Variants in NRG3 observed in about 807,000 individuals in gnomAD.
The protein encoded by NRG3 is neuregulin 3, also known as pro-neuregulin-3, membrane-bound isoform.
In NRG3, 31 loss-of-function variants were observed where a neutral mutation model predicts 66.9. That is an observed-to-expected ratio of 0.46 (90% CI 0.35 to 0.63). The LOEUF is 0.63. Ranked by LOEUF, NRG3 falls within the 20% of genes least tolerant of loss-of-function variation. NRG3 has a pLI of 0.00. For synonymous variants in NRG3, 393 were observed against 359.4 expected (o/e 1.09, Z -1.06); for missense variants, 910 against 878.9 (o/e 1.04, Z -0.45).
intron 2 of NRG3, among the ~76,000 whole-genome samples, chr10:82,597,993 C>G (rs773054296): frequency 1.3e-5 from 2 of 151,514 alleles, no homozygotes; most frequent in Non-Finnish European, 2.9e-5. Flanking sequence ...ATGCATGTAC[C>G]TTGATGATAA....
intron 3 of NRG3, among the ~76,000 whole-genome samples, chr10:82,762,017 T>C (rs2059347283): frequency 6.6e-6 from 1 of 151,146 alleles, no homozygotes; most frequent in Admixed American, 6.6e-5. Flanking sequence ...TTTCTTTCTT[T>C]CTTTTCTTTC....
chr10:82,769,745 G>C (rs2059645634), intron 3 of NRG3, among the ~76,000 whole-genome samples: 1 of 151,930 alleles, frequency 6.6e-6, no homozygotes. Flanking sequence ...TCCTAAGTGT[G>C]GATTTATGTA....
chr10:82,741,495 C>T (rs1263537378), intron 3 of NRG3, among the ~76,000 whole-genome samples: 1 of 152,168 alleles, frequency 6.6e-6, no homozygotes, highest in African/African-American at 2.4e-5. Context: ...TGTCAGCCCA[C>T]TTCCCTTATT....
chr10:82,417,613 G>A (rs553089181), intron 2 of NRG3, among the ~76,000 whole-genome samples: 1 of 152,274 alleles, frequency 6.6e-6, no homozygotes, highest in South Asian at 2.1e-4. Flanking sequence ...GTATTCTAAG[G>A]TGGTTGCTAT....
chr10:81,947,911 A>T (rs1483712694), intron 1 of NRG3, among the ~76,000 whole-genome samples: 1 of 152,070 alleles, frequency 6.6e-6, no homozygotes, highest in Non-Finnish European at 1.5e-5. Flanking sequence ...TTGGATTGAT[A>T]ATATTAAGAA....
chr10:82,869,004 TG>T (rs1319862231), intron 4 of NRG3, among the ~76,000 whole-genome samples: 1 of 152,200 alleles, frequency 6.6e-6, no homozygotes, highest in Non-Finnish European at 1.5e-5. Flanking sequence ...ATTTAATTTA[TG>T]ATTATAGAAT....
intron 1 of NRG3, among the ~76,000 whole-genome samples, chr10:82,059,331 C>T (rs971778080): frequency 2.0e-5 from 3 of 151,992 alleles, no homozygotes; most frequent in African/African-American, 7.3e-5. Context: ...GTAACTATGG[C>T]CTAGTAAATG....
Position 82,974,067 on chromosome 10 carries a change from A to G in NRG3, c.1412+152A>G, listed in dbSNP as rs1395617006. On this transcript the variant is annotated intron_variant, in intron 7 of 8. Transcript: ENST00000372141. The stretch of plus-strand genomic sequence containing the variant: ...TGGAGTAAATGCTCAAACACCTCAC[A>G]TCAGGTAAAGCAAAGATACCAGTTT... The G allele has an allele frequency of 3.7e-6, 3 of 817,926 alleles. No homozygotes were observed. In the African/African-American group the frequency reaches 5.2e-5, roughly 14 times the overall value. The allele number at this position is 817,926 out of a possible 1,614,324, so 50.7% of individuals were successfully genotyped here. A position where few individuals can be genotyped will look rare whatever the true frequency, so the allele number is the denominator to read the frequency against.
chr10:82,264,236 AG>A (rs1259314618), intron 1 of NRG3, among the ~76,000 whole-genome samples: 1 of 152,224 alleles, frequency 6.6e-6, no homozygotes, highest in Non-Finnish European at 1.5e-5. Flanking sequence ...ATGGACTCAC[AG>A]TTCCACATTG....
intron 1 of NRG3, among the ~76,000 whole-genome samples, chr10:81,924,698 A>G (rs757054351): frequency 5.9e-5 from 9 of 152,294 alleles, no homozygotes; most frequent in East Asian, 5.8e-4. Context: ...TCGTTAGCCA[A>G]AGTTTTAGGC....
intron 1 of NRG3, among the ~76,000 whole-genome samples, chr10:82,029,652 T>A (rs992624055): frequency 1.3e-5 from 2 of 152,132 alleles, no homozygotes; most frequent in South Asian, 4.1e-4. Flanking sequence ...AGTTGGGAGT[T>A]AAAAACAGTT....
intron 1 of NRG3, among the ~76,000 whole-genome samples, chr10:82,143,256 G>A (rs945713812): frequency 6.6e-6 from 1 of 152,140 alleles, no homozygotes; most frequent in African/African-American, 2.4e-5. Flanking sequence ...GAGGCAGGGG[G>A]CGGAGACTAA....
chr10:82,257,568 C>T (rs113615074), intron 1 of NRG3, among the ~76,000 whole-genome samples: 1 of 151,942 alleles, frequency 6.6e-6, no homozygotes, highest in African/African-American at 2.4e-5. Flanking sequence ...TCAGGAGTTC[C>T]AGACCAGCCT....
intron 1 of NRG3, among the ~76,000 whole-genome samples, chr10:81,973,349 A>G (rs1165039882): frequency 6.6e-6 from 1 of 152,184 alleles, no homozygotes; most frequent in Non-Finnish European, 1.5e-5. Context: ...TGCTATTGTG[A>G]ATAGTGCTGA....
At chr10:82,034,438 A>AT (rs1276472104) in intron 1 of NRG3, among the ~76,000 whole-genome samples, 1 of 152,128 alleles carries the variant, frequency 6.6e-6, no homozygotes, top group Non-Finnish European at 1.5e-5. Flanking sequence ...TGAGTTTTAA[A>AT]TAAGTAGATT....
At chr10:82,495,214 C>T (rs1217078433) in intron 2 of NRG3, among the ~76,000 whole-genome samples, 5 of 152,086 alleles carry the variant, frequency 3.3e-5, no homozygotes, top group East Asian at 1.9e-4. Context: ...GGATTACAGG[C>T]GTGAGCCACT....
At chr10:82,205,305 C>T (rs892683684) in intron 1 of NRG3, among the ~76,000 whole-genome samples, 2 of 152,126 alleles carry the variant, frequency 1.3e-5, no homozygotes, top group African/African-American at 4.8e-5. Flanking sequence ...TGTGGTTCTT[C>T]TGGGTTCCAT....
At chr10:82,244,629 AT>A (rs1479282887) in intron 1 of NRG3, among the ~76,000 whole-genome samples, 1 of 152,070 alleles carries the variant, frequency 6.6e-6, no homozygotes, top group Admixed American at 6.5e-5. Flanking sequence ...GTCCACAACC[AT>A]TTTGGCACCA....
chr10:81,976,685 C>T (rs2060135787), intron 1 of NRG3, among the ~76,000 whole-genome samples: 1 of 152,084 alleles, frequency 6.6e-6, no homozygotes, highest in African/African-American at 2.4e-5. Flanking sequence ...GAAGAAATGC[C>T]ACATTTATTG....
Sources: gnomAD v4.1 joint callset for allele counts (sites outside exome capture counted in the v4.1 genomes callset) on GRCh38, gnomAD v4.1.1 for gene constraint, MANE v1.5 for transcripts, NCBI Gene and HGNC (gene_info 2026-07-23, HGNC 2026-07-21) for gene names.